UGT1A10: variants seen among roughly 807,000 people sequenced by gnomAD.
The protein encoded by UGT1A10 is UDP glucuronosyltransferase family 1 member A10.
UGT1A10 carries 49 observed loss-of-function variants against 45.8 expected under a neutral mutation model. The observed-to-expected ratio is 1.07, with a 90% confidence interval of 0.85 to 1.36. UGT1A10 has a LOEUF of 1.36. Ranked by LOEUF, UGT1A10 falls within the 40% of genes most tolerant of loss-of-function variation. The pLI is 0.00. For missense variants in UGT1A10, 745 were observed against 668.6 expected, an observed-to-expected ratio of 1.11 and a Z score of -1.26; for synonymous variants, 284 against 249.7, an observed-to-expected ratio of 1.14 and a Z score of -1.29.
At chr2:233,715,800 A>G (rs144113297) in intron 1 of UGT1A10, among the ~76,000 whole-genome samples, 21 of 152,308 alleles carry the variant, frequency 1.4e-4, no homozygotes, top group African/African-American at 4.8e-4. Context: ...TTGGAATGTG[A>G]AAATCTTGTT....
At chr2:233,714,796 T>C (rs2076413127) in intron 1 of UGT1A10, among the ~76,000 whole-genome samples, 1 of 152,264 alleles carries the variant, frequency 6.6e-6, no homozygotes, top group South Asian at 2.1e-4. Context: ...TTTCAAGTGC[T>C]CAATATTCAT....
chr2:233,686,676 G>T (rs2074799451), intron 1 of UGT1A10, among the ~76,000 whole-genome samples: 1 of 152,076 alleles, frequency 6.6e-6, no homozygotes, highest in Non-Finnish European at 1.5e-5. Flanking sequence ...GCCCACTCAG[G>T]ATATTCTGGT....
At chr2:233,671,084 T>G (rs186479114) in intron 1 of UGT1A10, among the ~76,000 whole-genome samples, 4 of 152,308 alleles carry the variant, frequency 2.6e-5, no homozygotes, top group African/African-American at 9.6e-5. Flanking sequence ...AACACAAAGT[T>G]GACATCACCT....
chr2:233,724,360 G>A (rs1455285943), intron 1 of UGT1A10, among the ~76,000 whole-genome samples: 4 of 146,466 alleles, frequency 2.7e-5, no homozygotes, highest in South Asian at 2.3e-4. Flanking sequence ...CCTCCCTCCC[G>A]GACGGGGTGG....
chr2:233,662,876 C>T (rs1183247844), intron 1 of UGT1A10, among the ~76,000 whole-genome samples: 2 of 149,514 alleles, frequency 1.3e-5, no homozygotes, highest in East Asian at 4.0e-4. Context: ...TTTTCTGTAA[C>T]TATTAAGATT....
At chr2:233,671,751 C>T in intron 1 of UGT1A10, 1 of 1,299,172 alleles carries the variant, frequency 7.7e-7, no homozygotes, top group Non-Finnish European at 1.0e-6. Flanking sequence ...ATAGATATCT[C>T]AGCAAAAGCT....
intron 1 of UGT1A10, among the ~76,000 whole-genome samples, chr2:233,705,254 C>G (rs2075836085): frequency 6.6e-6 from 1 of 151,940 alleles, no homozygotes; most frequent in African/African-American, 2.4e-5. Context: ...TCAGATTATT[C>G]TATGGGGTCA....
At chr2:233,668,626 G>A (rs1023502067) in intron 1 of UGT1A10, among the ~76,000 whole-genome samples, 2 of 152,176 alleles carry the variant, frequency 1.3e-5, no homozygotes, top group East Asian at 3.8e-4. Flanking sequence ...TTGAGGAATT[G>A]CCACACTGTC....
chr2:233,760,647 T>G (rs1697515072), intron 1 of UGT1A10: 1 of 1,614,134 alleles, frequency 6.2e-7, no homozygotes, highest in African/African-American at 1.3e-5. Context: ...AAAAGGACTC[T>G]GCTATGCTTT....
At chr2:233,650,015 G>C (rs887400824) in intron 1 of UGT1A10, among the ~76,000 whole-genome samples, 5 of 152,188 alleles carry the variant, frequency 3.3e-5, no homozygotes, top group African/African-American at 1.2e-4. Flanking sequence ...TTGTTGTCGA[G>C]GCTGGGGTGC....
At chr2:233,691,488 G>A in intron 1 of UGT1A10, 1 of 985,788 alleles carries the variant, frequency 1.0e-6, no homozygotes, top group Non-Finnish European at 1.2e-6. Context: ...ACTTGTGGGT[G>A]GGAACAGGAA....
At position 233,729,298 on chromosome 2, in the gene UGT1A10, G is replaced by A. The variant is rs140541315; in HGVS notation, c.856-37736G>A. On this transcript the variant is annotated intron_variant, in intron 1 of 4. Transcript: ENST00000344644. ...GGAGCTCCATGCCAGAGGCCACCAG[G>A]CAGTGGTCCTCACCCCAGAGGTGAA... 186 of 1,614,254 alleles carry A rather than the reference G, an allele frequency of 1.2e-4. No individual in the cohort carries two copies. In the African/African-American group the frequency reaches 1.9e-3, roughly 17 times the overall value.
chr2:233,686,156 A>G (rs2074775792), intron 1 of UGT1A10, among the ~76,000 whole-genome samples: 1 of 152,322 alleles, frequency 6.6e-6, no homozygotes, highest in East Asian at 1.9e-4. Context: ...GAAATGGATC[A>G]AAGACCTAAA....
At chr2:233,693,836 A>C in intron 1 of UGT1A10, 1 of 1,614,182 alleles carries the variant, frequency 6.2e-7, no homozygotes, top group Non-Finnish European at 8.5e-7. Flanking sequence ...TGGAGGTATC[A>C]ACTGTAAGAA....
At chr2:233,677,499 G>A (rs2074392259) in intron 1 of UGT1A10, among the ~76,000 whole-genome samples, 1 of 152,058 alleles carries the variant, frequency 6.6e-6, no homozygotes, top group African/African-American at 2.4e-5. Context: ...TATGTTATTA[G>A]TATTATATCC....
At chr2:233,747,932 G>C in intron 1 of UGT1A10, 1 of 1,613,428 alleles carries the variant, frequency 6.2e-7, no homozygotes, top group Non-Finnish European at 8.5e-7. Flanking sequence ...AGCTTTTTCA[G>C]AGGGAGGTGT....
chr2:233,742,736 T>C (rs1017364884), intron 1 of UGT1A10: 1 of 152,920 alleles, frequency 6.5e-6, no homozygotes, highest in Non-Finnish European at 1.5e-5. Context: ...GATTCAAATG[T>C]CTGACCTCCA....
chr2:233,772,614 C>T lies in UGT1A10; in HGVS notation c.*55C>T, dbSNP rs1700539224. ...GAACCATTCCCTAGTCATTTCCAAA[C>T]TTGAAAACAGAATCAGTGTTAAATT... On this transcript the variant is annotated 3_prime_UTR_variant, in exon 5 of 5. Transcript: ENST00000344644. The T allele has an allele frequency of 1.3e-6, 2 of 1,575,828 alleles. No homozygotes were observed. The highest frequency in any genetic ancestry group is 1.7e-6 in the Non-Finnish European group (2 of 1,159,834).
chr2:233,650,804 A>G (rs902518097), intron 1 of UGT1A10, among the ~76,000 whole-genome samples: 11 of 152,346 alleles, frequency 7.2e-5, no homozygotes, highest in African/African-American at 2.6e-4. Flanking sequence ...ACAAGTTAGT[A>G]AAAGTTTGTT....
Sources: gnomAD v4.1 joint callset for allele counts (sites outside exome capture counted in the v4.1 genomes callset) on GRCh38, gnomAD v4.1.1 for gene constraint, MANE v1.5 for transcripts, NCBI Gene and HGNC (gene_info 2026-07-23, HGNC 2026-07-21) for gene names.